USH2A: variants seen among roughly 807,000 people sequenced by gnomAD.
USH2A encodes the protein Usher syndrome 2A (autosomal recessive, mild).
Under a neutral mutation model 538.9 loss-of-function variants are expected in USH2A, and 443 were observed. The observed-to-expected ratio is 0.82, with a 90% CI of 0.76 to 0.89. The LOEUF is 0.89. USH2A is among the 40% of genes least tolerant of loss of function. The probability of loss-of-function intolerance (pLI) is 0.00; values close to 1 mark genes in which losing one functional copy is unlikely to be tolerated. For synonymous variants in USH2A, 2,413 were observed against 2,273.5 expected (o/e 1.06, Z -1.75); for missense variants, 6,633 against 6,324.8 (o/e 1.05, Z -1.65).
At position 215,766,563 on chromosome 1, in the gene USH2A, T is replaced by C; in HGVS notation, c.11047+118A>G. ...AATGGGAACCTAGAATGCTATTTTA[T>C]TTTGTACCTATCAACTTTATTGCCT... On this transcript the variant is annotated intron_variant, in intron 56 of 71. Transcript: ENST00000307340. The C allele has an allele frequency of 1.4e-5, 14 of 965,864 alleles. No homozygotes were observed. In the South Asian group the frequency reaches 1.9e-4, roughly 13 times the overall value. The allele number at this position is 965,864 out of a possible 1,614,324, so 59.8% of individuals were successfully genotyped here.
intron 47 of USH2A, among the ~76,000 whole-genome samples, chr1:215,834,569 C>T (rs11120655): frequency 0.014 from 2,183 of 152,232 alleles, 58 homozygotes; most frequent in African/African-American, 0.05. Flanking sequence ...TGGAGACCGA[C>T]ATCATGATGC....
At chr1:215,836,326 T>C (rs1663480028) in intron 47 of USH2A, among the ~76,000 whole-genome samples, 2 of 148,406 alleles carry the variant, frequency 1.3e-5, no homozygotes, top group African/African-American at 5.0e-5. Flanking sequence ...AACCTCTTAT[T>C]ATAGTGTTTT....
intron 23 of USH2A, 108 bp downstream of exon 23, chr1:216,088,905 T>A (rs2032214181): frequency 6.6e-7 from 1 of 1,522,918 alleles, no homozygotes; most frequent in Non-Finnish European, 9.0e-7. Context: ...ATATATGGAA[T>A]TGAGTAGAAA....
At position 215,708,948 on chromosome 1, in the gene USH2A, C is replaced by T. The variant is rs541611847; in HGVS notation, c.12066+19082G>A. Among the ~76,000 whole-genome samples, 30 of 152,252 alleles carry T rather than the reference C, an allele frequency of 2.0e-4. No homozygotes were observed. The South Asian group carries it at 6.2e-3, about 32-fold the overall frequency. On this transcript the variant is annotated intron_variant, in intron 61 of 71. Transcript: ENST00000307340. Reference sequence around the variant, plus strand: ...ATACTAACTTTGGAAACATGAATGGCTTTCAAAATTCCTAGAATTCAAATT... The same window carrying T: ...ATACTAACTTTGGAAACATGAATGGTTTTCAAAATTCCTAGAATTCAAATT...
chr1:216,182,323 G>A (rs1239292642), intron 20 of USH2A, among the ~76,000 whole-genome samples: 1 of 151,958 alleles, frequency 6.6e-6, no homozygotes, highest in African/African-American at 2.4e-5. Flanking sequence ...GCTTGGTTGT[G>A]TTGTTTTAAT....
intron 55 of USH2A, among the ~76,000 whole-genome samples, chr1:215,768,344 C>T (rs1571666593): frequency 6.6e-6 from 1 of 152,160 alleles, no homozygotes; most frequent in Non-Finnish European, 1.5e-5. Context: ...AGTGTGTGTT[C>T]GTTAAACGAA....
chr1:216,192,468 G>A (rs989890874), intron 19 of USH2A, among the ~76,000 whole-genome samples: 2 of 151,902 alleles, frequency 1.3e-5, no homozygotes, highest in Non-Finnish European at 2.9e-5. Flanking sequence ...GAGGCGGGTG[G>A]ATCACTTGAG....
intron 45 of USH2A, among the ~76,000 whole-genome samples, chr1:215,845,527 A>G (rs1475968189): frequency 6.6e-6 from 1 of 152,140 alleles, no homozygotes; most frequent in Non-Finnish European, 1.5e-5. Context: ...TTAAAAAAAA[A>G]GTTTCTAAAT....
At chr1:216,268,659 A>C (rs1394332628) in intron 11 of USH2A, among the ~76,000 whole-genome samples, 1 of 151,960 alleles carries the variant, frequency 6.6e-6, no homozygotes, top group African/African-American at 2.4e-5. Context: ...GGACATTCCT[A>C]CTCTTTCTTC....
At chr1:215,817,781 C>T (rs1662900420) in intron 47 of USH2A, among the ~76,000 whole-genome samples, 1 of 151,638 alleles carries the variant, frequency 6.6e-6, no homozygotes, top group African/African-American at 2.4e-5. Flanking sequence ...AAGATGCCGC[C>T]ATTATATTTG....
intron 32 of USH2A, among the ~76,000 whole-genome samples, chr1:216,014,073 A>T (rs754628504): frequency 2.9e-5 from 3 of 105,146 alleles, no homozygotes; most frequent in Non-Finnish European, 6.1e-5. Context: ...TTTGAATAAT[A>T]AAGCATGAAA....
rs1355352635 is a variant in USH2A at position 215,710,974 on chromosome 1, CT to C, written c.12066+17055del. Among the ~76,000 whole-genome samples, 2 of 151,952 alleles carry C rather than the reference CT, an allele frequency of 1.3e-5. 1 individual carries two copies. The highest frequency in any genetic ancestry group is 3.9e-4 in the East Asian group (2 of 5,182). On this transcript the variant is annotated intron_variant, in intron 61 of 71. Transcript: ENST00000307340. Reference sequence around the variant, plus strand: ...CCTCAAGGCAAGCAATCTACTAACACTGCATAGTAAGTCACTGCTGCTTCAG... The same window carrying C: ...CCTCAAGGCAAGCAATCTACTAACACGCATAGTAAGTCACTGCTGCTTCAG...
At chr1:216,301,830 CT>C (rs1433158144) in intron 9 of USH2A, among the ~76,000 whole-genome samples, 2 of 152,094 alleles carry the variant, frequency 1.3e-5, no homozygotes, top group Non-Finnish European at 2.9e-5. Context: ...TACATTTTCC[CT>C]TTCTCATCAG....
intron 40 of USH2A, among the ~76,000 whole-genome samples, chr1:215,898,106 C>G (rs1665398218): frequency 6.6e-6 from 1 of 152,194 alleles, no homozygotes; most frequent in Non-Finnish European, 1.5e-5. Context: ...GGCCTCCTTC[C>G]AGTTCTTTGC....
intron 32 of USH2A, among the ~76,000 whole-genome samples, chr1:216,038,019 A>G (rs2030075264): frequency 6.6e-6 from 1 of 152,016 alleles, no homozygotes; most frequent in Non-Finnish European, 1.5e-5. Context: ...TACAAAGTGA[A>G]CCAATTGAGA....
chr1:216,127,345 G>T (rs1391014014), intron 21 of USH2A, among the ~76,000 whole-genome samples: 1 of 152,174 alleles, frequency 6.6e-6, no homozygotes, highest in Non-Finnish European at 1.5e-5. Context: ...GTAGAGAGTA[G>T]ACAGCAATAT....
At position 216,073,225 on chromosome 1, in the gene USH2A, G is replaced by A; in HGVS notation, c.5648C>T (p.Ala1883Val). 1 of 1,613,860 alleles carries A rather than the reference G, an allele frequency of 6.2e-7. No homozygotes were observed. The highest frequency in any genetic ancestry group is 8.5e-7 in the Non-Finnish European group (1 of 1,179,956). Residue 1883 changes from alanine (A) to valine (V), a missense_variant, in exon 28 of 72, where the codon GCT (alanine) becomes GTT (valine). Physicochemically the swap from Ala to Val is moderately conservative, Grantham distance 64 (BLOSUM62 0). Transcript: ENST00000307340. ...GCATCCATCCAGATTGACTCTGACA[G>A]CACCGCTGGACACAGATGCCAAGTT... Reference protein sequence around the residue: ...VVNLASVSSGAVRVNLDGCLS... With the variant: ...VVNLASVSSGVVRVNLDGCLS...
chr1:215,650,468 GT>G, intron 65 of USH2A, 123 bp downstream of exon 65: 1 of 1,169,614 alleles, frequency 8.5e-7, no homozygotes, highest in Non-Finnish European at 1.2e-6. Context: ...TAAGTTCACC[GT>G]AGAGCAACTG....
At chr1:216,010,939 C>T (rs1255632721) in intron 32 of USH2A, among the ~76,000 whole-genome samples, 1 of 152,062 alleles carries the variant, frequency 6.6e-6, no homozygotes, top group Admixed American at 6.5e-5. Context: ...ATCATGCGCC[C>T]CTTAACATCT....
Sources: allele counts gnomAD v4.1 joint callset (sites outside exome capture counted in the v4.1 genomes callset), GRCh38; gene constraint gnomAD v4.1.1; transcripts MANE v1.5; gene names NCBI Gene and HGNC (gene_info 2026-07-23, HGNC 2026-07-21).